Variants in ACAD11 observed in about 807,000 individuals in gnomAD.
The protein encoded by ACAD11 is acyl-CoA dehydrogenase family member 11.
In ACAD11, 83 loss-of-function variants were observed where a neutral mutation model predicts 102.2. The observed-to-expected ratio is 0.81, with a 90% CI of 0.68 to 0.97. The LOEUF (loss-of-function observed/expected upper bound fraction) is 0.97. ACAD11 is among the 50% of genes least tolerant of loss of function. The pLI is 0.00. For missense variants in ACAD11, 901 were observed against 951.7 expected (o/e 0.95, Z 0.70); for synonymous variants, 324 against 319.8 (o/e 1.01, Z -0.14).
At chr3:132,586,765 G>A (rs1937853223) in intron 13 of ACAD11, among the ~76,000 whole-genome samples, 1 of 152,150 alleles carries the variant, frequency 6.6e-6, no homozygotes, top group African/African-American at 2.4e-5. Context: ...AAAATGTAAT[G>A]TTTTTCAAGT....
chr3:132,634,087 C>G (rs1220314777), intron 5 of ACAD11, among the ~76,000 whole-genome samples: 3 of 152,166 alleles, frequency 2.0e-5, no homozygotes, highest in African/African-American at 7.2e-5. Context: ...AGCTTCTGCA[C>G]AGCAAAAGAA....
chr3:132,640,324 G>A (rs1224697557), intron 4 of ACAD11, among the ~76,000 whole-genome samples: 2 of 152,180 alleles, frequency 1.3e-5, no homozygotes, highest in South Asian at 4.1e-4. Flanking sequence ...TCCTGACTTC[G>A]TGATCCGCCT....
Position 132,619,829 on chromosome 3 carries a change from A to C in ACAD11, c.1198-284T>G, listed in dbSNP as rs375617449. 7.4e-4 allele frequency among the ~76,000 whole-genome samples: 113 copies of C among 152,358 alleles called. 1 individual carries two copies. Among genetic ancestry groups the C allele is most frequent in the African/African-American group, 2.6e-3 (108 of 41,584 alleles). On this transcript the variant is annotated intron_variant, in intron 9 of 19. Coordinates refer to ENST00000264990, the MANE Select transcript of ACAD11 (RefSeq NM_032169.5). ...AGTCATAGAAACTGCTCAACTAAAA[A>C]TGTTGGGTAAAATATTAAAAATAGT...
chr3:132,650,792 G>A (rs1324893360), intron 1 of ACAD11, among the ~76,000 whole-genome samples: 2 of 151,952 alleles, frequency 1.3e-5, no homozygotes, highest in Non-Finnish European at 2.9e-5. Context: ...GAGACCACCG[G>A]AACTGGTTTC....
At chr3:132,590,845 T>A (rs1453268786) in intron 13 of ACAD11, among the ~76,000 whole-genome samples, 1 of 152,242 alleles carries the variant, frequency 6.6e-6, no homozygotes, top group Non-Finnish European at 1.5e-5. Context: ...GCCCACTTTT[T>A]AATGAGATTG....
intron 4 of ACAD11, among the ~76,000 whole-genome samples, chr3:132,640,144 C>T (rs573825700): frequency 7.9e-5 from 12 of 151,314 alleles, no homozygotes; most frequent in Admixed American, 5.3e-4. Context: ...GACAGAGTCT[C>T]GCTCTGTTGC....
chr3:132,656,895 A>G (rs944636803), intron 1 of ACAD11, among the ~76,000 whole-genome samples: 2 of 151,858 alleles, frequency 1.3e-5, no homozygotes, highest in African/African-American at 4.8e-5. Context: ...ACAGTATAAT[A>G]AAGTTGAGCA....
chr3:132,561,775 G>A (rs1391674351), intron 17 of ACAD11, among the ~76,000 whole-genome samples: 1 of 152,202 alleles, frequency 6.6e-6, no homozygotes, highest in African/African-American at 2.4e-5. Flanking sequence ...CAAGAACACA[G>A]AACAGTTCCA....
At chr3:132,576,061 A>G (rs1937519651) in intron 16 of ACAD11, 135 bp from the exon 17 acceptor site, 1 of 908,502 alleles carries the variant, frequency 1.1e-6, no homozygotes. Context: ...AGTCAGTTCT[A>G]TAATAAGGTT....
At chr3:132,609,100 A>G (rs1461641560) in intron 11 of ACAD11, among the ~76,000 whole-genome samples, 1 of 152,238 alleles carries the variant, frequency 6.6e-6, no homozygotes, top group African/African-American at 2.4e-5. Context: ...CAATAAGAAC[A>G]AAGACACAAT....
At chr3:132,633,533 C>T (rs1443838420) in intron 5 of ACAD11, among the ~76,000 whole-genome samples, 4 of 152,036 alleles carry the variant, frequency 2.6e-5, no homozygotes, top group African/African-American at 9.7e-5. Flanking sequence ...GTCTAAAATT[C>T]TCTTTTTTTG....
chr3:132,630,702 C>G, intron 6 of ACAD11, 144 bp from the exon 7 acceptor site: 1 of 682,420 alleles, frequency 1.5e-6, no homozygotes, highest in South Asian at 2.8e-5. Flanking sequence ...TCTTGATTTC[C>G]AAAAGATTAT....
chr3:132,623,063 A>G (rs912291614), intron 9 of ACAD11, among the ~76,000 whole-genome samples: 1 of 152,168 alleles, frequency 6.6e-6, no homozygotes, highest in African/African-American at 2.4e-5. Context: ...CTGGCTTTTA[A>G]TATTTTCCAA....
At chr3:132,612,173 T>C (rs1939183812) in intron 11 of ACAD11, among the ~76,000 whole-genome samples, 1 of 152,184 alleles carries the variant, frequency 6.6e-6, no homozygotes, top group Admixed American at 6.5e-5. Flanking sequence ...GCTAGCCATA[T>C]GTAGAAAGCT....
At chr3:132,611,243 T>C (rs951593031) in intron 11 of ACAD11, among the ~76,000 whole-genome samples, 50 of 152,236 alleles carry the variant, frequency 3.3e-4, no homozygotes, top group Non-Finnish European at 6.0e-4. Flanking sequence ...AAGAGCTATC[T>C]ATGACAAATC....
At chr3:132,652,803 C>G (rs1001937320) in intron 1 of ACAD11, among the ~76,000 whole-genome samples, 1 of 152,068 alleles carries the variant, frequency 6.6e-6, no homozygotes, top group African/African-American at 2.4e-5. Context: ...GTAGCTTCAG[C>G]CTGATCTCAC....
chr3:132,638,099 G>A (rs1446012406), intron 5 of ACAD11, among the ~76,000 whole-genome samples: 1 of 151,986 alleles, frequency 6.6e-6, no homozygotes, highest in East Asian at 1.9e-4. Context: ...AAAAATGAAG[G>A]GGAAAAAATG....
chr3:132,580,962 C>T (rs570703788), intron 13 of ACAD11, among the ~76,000 whole-genome samples: 7 of 151,722 alleles, frequency 4.6e-5, no homozygotes, highest in Non-Finnish European at 1.0e-4. Context: ...AAAGAGAAAA[C>T]AGAGAAAAAC....
At chr3:132,654,398 A>G (rs1302653268) in intron 1 of ACAD11, 1 of 152,238 alleles carries the variant, frequency 6.6e-6, no homozygotes, top group Non-Finnish European at 1.5e-5. Flanking sequence ...CTCAGCTTAC[A>G]GTGAAATCAC....
Sources: gnomAD v4.1 joint callset for allele counts (sites outside exome capture counted in the v4.1 genomes callset) on GRCh38, gnomAD v4.1.1 for gene constraint, MANE v1.5 for transcripts, NCBI Gene and HGNC (gene_info 2026-07-23, HGNC 2026-07-21) for gene names.